The following PLCE1 variants were observed in gnomAD, a reference collection of about 807,000 sequenced individuals.
PLCE1 encodes phospholipase C epsilon 1.
In PLCE1, 119 loss-of-function variants were observed where a neutral mutation model predicts 242.8. The observed-to-expected ratio is 0.49, with a 90% CI of 0.42 to 0.57. The LOEUF (loss-of-function observed/expected upper bound fraction) is 0.57, where lower values mean the gene tolerates loss of function less well. Ranked by LOEUF, PLCE1 falls within the 20% of genes least tolerant of loss-of-function variation. PLCE1 has a pLI of 0.00. For missense variants in PLCE1, 2,441 were observed against 2,788.8 expected (o/e 0.88, Z 2.81); for synonymous variants, 945 against 1,017.4 (o/e 0.93, Z 1.35).
At chr10:94,159,533 TAAAAC>T (rs2047542379) in intron 3 of PLCE1, among the ~76,000 whole-genome samples, 1 of 152,208 alleles carries the variant, frequency 6.6e-6, no homozygotes, top group African/African-American at 2.4e-5. Context: ...ATCTAATACT[TAAAAC>T]AAGTCTACAA....
chr10:94,134,145 G>C (rs2046693612), intron 3 of PLCE1, among the ~76,000 whole-genome samples: 1 of 150,772 alleles, frequency 6.6e-6, no homozygotes, highest in Non-Finnish European at 1.5e-5. Flanking sequence ...CTGTCACCCA[G>C]GCCGGAGTGC....
intron 2 of PLCE1, among the ~76,000 whole-genome samples, chr10:94,089,804 G>C (rs921463316): frequency 6.6e-6 from 1 of 151,974 alleles, no homozygotes; most frequent in Admixed American, 6.6e-5. Context: ...TTGCAGATTT[G>C]GTTTGTTGCT....
At chr10:94,032,857 T>A (rs2061587598) in intron 2 of PLCE1, among the ~76,000 whole-genome samples, 1 of 152,124 alleles carries the variant, frequency 6.6e-6, no homozygotes, top group South Asian at 2.1e-4. Context: ...TATTAATACA[T>A]TTAATAATAA....
At chr10:94,323,745 G>A (rs2053907774) in intron 30 of PLCE1, among the ~76,000 whole-genome samples, 1 of 152,166 alleles carries the variant, frequency 6.6e-6, no homozygotes, top group Admixed American at 6.5e-5. Flanking sequence ...AAAGGGCCCA[G>A]ACTTACATTT....
At chr10:94,323,102 T>C (rs2133889388) in intron 30 of PLCE1, among the ~76,000 whole-genome samples, 1 of 152,344 alleles carries the variant, frequency 6.6e-6, no homozygotes, top group East Asian at 1.9e-4. Flanking sequence ...GACAATGTCA[T>C]GGTCCCAGAA....
intron 1 of PLCE1, among the ~76,000 whole-genome samples, chr10:94,016,598 G>A (rs1282469965): frequency 6.6e-6 from 1 of 152,086 alleles, no homozygotes; most frequent in Non-Finnish European, 1.5e-5. Context: ...CTTAACCTGT[G>A]TTTTGTCTAA....
chr10:94,073,834 G>C (rs1157049638), intron 2 of PLCE1, among the ~76,000 whole-genome samples: 1 of 152,192 alleles, frequency 6.6e-6, no homozygotes, highest in African/African-American at 2.4e-5. Flanking sequence ...CTGCAACCAA[G>C]GAGATGGGAG....
chr10:94,074,442 C>G (rs1047625022), intron 2 of PLCE1, among the ~76,000 whole-genome samples: 3 of 152,206 alleles, frequency 2.0e-5, no homozygotes, highest in East Asian at 1.9e-4. Context: ...TGAGCTCAAG[C>G]TATCCTCCAA....
chr10:94,266,435 A>T (rs80107042), intron 16 of PLCE1, among the ~76,000 whole-genome samples: 1 of 148,714 alleles, frequency 6.7e-6, no homozygotes, highest in African/African-American at 2.5e-5. Flanking sequence ...ACCAAAAAAA[A>T]TGCAGAAAAA....
intron 4 of PLCE1, among the ~76,000 whole-genome samples, chr10:94,223,233 C>CAAAAAAAAAAAAAAAAAA (rs60764243): frequency 4.4e-5 from 4 of 90,874 alleles, no homozygotes; most frequent in African/African-American, 1.9e-4. Flanking sequence ...TCCATCTCTA[C>CAAAAAAAAAAAAAAAAAA]AAAAAAAAAA....
At chr10:94,307,874 A>C (rs1055011440) in intron 26 of PLCE1, among the ~76,000 whole-genome samples, 1 of 152,232 alleles carries the variant, frequency 6.6e-6, no homozygotes, top group African/African-American at 2.4e-5. Flanking sequence ...AACTGTTATT[A>C]TAGAAATGTG....
intron 2 of PLCE1, among the ~76,000 whole-genome samples, chr10:94,072,481 G>T (rs1224607865): frequency 6.6e-6 from 1 of 152,008 alleles, no homozygotes; most frequent in African/African-American, 2.4e-5. Context: ...ATTTCACCAT[G>T]TTAGCCAGGA....
At chr10:94,179,602 C>G (rs1280382444) in intron 4 of PLCE1, among the ~76,000 whole-genome samples, 1 of 144,792 alleles carries the variant, frequency 6.9e-6, no homozygotes, top group Admixed American at 7.2e-5. Flanking sequence ...GCCTCTCAGG[C>G]TCAAGCGATC....
intron 2 of PLCE1, among the ~76,000 whole-genome samples, chr10:94,052,445 T>A (rs1031464366): frequency 6.6e-6 from 1 of 152,228 alleles, no homozygotes; most frequent in Non-Finnish European, 1.5e-5. Context: ...AATCTGTTAC[T>A]CTGTATTGCC....
At chr10:94,186,179 A>T (rs1054206698) in intron 4 of PLCE1, among the ~76,000 whole-genome samples, 1 of 152,230 alleles carries the variant, frequency 6.6e-6, no homozygotes, top group Non-Finnish European at 1.5e-5. Context: ...GGCAAAAGGT[A>T]AAAATGGGGC....
intron 4 of PLCE1, among the ~76,000 whole-genome samples, chr10:94,210,668 C>T (rs1472050913): frequency 2.0e-5 from 3 of 152,128 alleles, no homozygotes; most frequent in Non-Finnish European, 2.9e-5. Flanking sequence ...TCAGGGTCTC[C>T]AGCCCATAAT....
chr10:94,270,130 T>C (rs1477210251), intron 17 of PLCE1, among the ~76,000 whole-genome samples: 1 of 152,212 alleles, frequency 6.6e-6, no homozygotes, highest in Admixed American at 6.5e-5. Flanking sequence ...ATAAACTCTT[T>C]ATAAGCAAGA....
chr10:94,271,965 G>A (rs967316332), intron 18 of PLCE1, among the ~76,000 whole-genome samples: 2 of 152,132 alleles, frequency 1.3e-5, no homozygotes, highest in Non-Finnish European at 2.9e-5. Context: ...ATGCTTCAAG[G>A]GACAAAAGGC....
intron 11 of PLCE1, among the ~76,000 whole-genome samples, chr10:94,258,272 T>C (rs371864088): frequency 4.4e-4 from 67 of 152,304 alleles, no homozygotes; most frequent in African/African-American, 1.5e-3. Context: ...GCCCTTTCCA[T>C]TCTTAACATT....
Sources: allele counts gnomAD v4.1 joint callset (sites outside exome capture counted in the v4.1 genomes callset), GRCh38; gene constraint gnomAD v4.1.1; transcripts MANE v1.5; gene names NCBI Gene and HGNC (gene_info 2026-07-23, HGNC 2026-07-21).